The following NCAPD3 variants were observed in gnomAD, a reference collection of about 807,000 sequenced individuals.
NCAPD3 encodes the protein condensin-2 complex subunit D3.
In NCAPD3, 105 loss-of-function variants were observed where a neutral mutation model predicts 182.9. The observed-to-expected ratio is 0.57, with a 90% CI of 0.49 to 0.68. The LOEUF (loss-of-function observed/expected upper bound fraction) is 0.68. NCAPD3 is among the 30% of genes least tolerant of loss of function. The pLI is 0.00. For synonymous variants in NCAPD3, 815 were observed against 679.9 expected, an observed-to-expected ratio of 1.20 and a Z score of -3.09; for missense variants, 1,944 against 1,837.0, an observed-to-expected ratio of 1.06 and a Z score of -1.07.
chr11:134,169,663 G>A (rs1334472284), intron 24 of NCAPD3, among the ~76,000 whole-genome samples: 1 of 152,158 alleles, frequency 6.6e-6, no homozygotes. Flanking sequence ...ACATATCTGT[G>A]CAATGCTGCA....
In NCAPD3 at chr11:134,178,697, G is replaced by A. The variant is rs34739733; in HGVS notation, c.2719C>T (p.Pro907Ser). The A allele has an allele frequency of 1.9e-6, 3 of 1,601,614 alleles. No homozygotes were observed. Among genetic ancestry groups the A allele is most frequent in the Non-Finnish European group, 2.6e-6 (3 of 1,172,274 alleles). Residue 907 changes from proline (P) to serine (S), a missense_variant, in exon 22 of 35, where the codon CCC becomes TCC. Pro to Ser is a moderately conservative substitution (Grantham distance 74). Around this residue, in one of 3 missense-constraint regions of NCAPD3, gnomAD observed 1,803 missense variants for 1,674.6 expected, o/e 1.08. Transcript: ENST00000534548. ...GSSEAPASQP[P>S]PQVRGSVMPS... is the part of the protein sequence containing the mutation. ...ATGACAGAACCTCTGACCTGGGGGG[G>A]TGGCTGAGACGCTGGGGCCTCACTG...
intron 19 of NCAPD3, among the ~76,000 whole-genome samples, chr11:134,182,835 C>T (rs1403080704): frequency 2.0e-5 from 3 of 152,222 alleles, no homozygotes; most frequent in Admixed American, 6.5e-5. Context: ...AAAGGAGAAG[C>T]GTGTTTAGGG....
At position 134,151,171 on chromosome 11, in the gene NCAPD3, G is replaced by T. The variant is rs1565509667; in HGVS notation, c.*1773C>A. The T allele has an allele frequency of 6.6e-6, 1 of 152,198 alleles. No individual in the cohort carries two copies. Among genetic ancestry groups the T allele is most frequent in the African/African-American group, 2.4e-5 (1 of 41,436 alleles). The allele number at this position is 152,198 out of a possible 1,614,324, so 9.4% of individuals were successfully genotyped here. ...TGTCTTTCAGCTTCCAGTGTCTTGG[G>T]TTTTTTATACTTTGACAGCTTTTTT... On this transcript the variant is annotated 3_prime_UTR_variant, in exon 35 of 35. Transcript: ENST00000534548.
intron 27 of NCAPD3, among the ~76,000 whole-genome samples, chr11:134,165,275 ACT>A (rs1565523607): frequency 7.2e-6 from 1 of 139,780 alleles, no homozygotes; most frequent in Admixed American, 7.2e-5. Flanking sequence ...GGAGCTGCAC[ACT>A]CGCTTGTGAG....
chr11:134,219,685 C>G (rs538867749), intron 2 of NCAPD3, among the ~76,000 whole-genome samples: 29 of 152,180 alleles, frequency 1.9e-4, no homozygotes, highest in African/African-American at 6.5e-4. Context: ...AACTAACAAC[C>G]TAAATATTAA....
chr11:134,183,539 G>C (rs1944340438), intron 19 of NCAPD3, among the ~76,000 whole-genome samples: 1 of 152,198 alleles, frequency 6.6e-6, no homozygotes, highest in Non-Finnish European at 1.5e-5. Flanking sequence ...CTGTACTCTA[G>C]CCTGGGTGAC....
At chr11:134,182,753 G>A (rs935863768) in intron 19 of NCAPD3, among the ~76,000 whole-genome samples, 2 of 152,220 alleles carry the variant, frequency 1.3e-5, no homozygotes, top group East Asian at 3.8e-4. Context: ...CATATATACT[G>A]CTGCTGAGCT....
At chr11:134,220,815 A>G in intron 1 of NCAPD3, 89 bp from the exon 2 acceptor site, 4 of 1,262,950 alleles carry the variant, frequency 3.2e-6, no homozygotes, top group Non-Finnish European at 4.4e-6. Flanking sequence ...TCAAGAGGAG[A>G]AAAGTTTACT....
At chr11:134,161,458 C>G (rs1460170867) in intron 28 of NCAPD3, among the ~76,000 whole-genome samples, 1 of 152,162 alleles carries the variant, frequency 6.6e-6, no homozygotes, top group Non-Finnish European at 1.5e-5. Context: ...ACCTTACCCC[C>G]AAGCAGCATG....
intron 16 of NCAPD3, among the ~76,000 whole-genome samples, chr11:134,192,154 A>C (rs1278648631): frequency 6.6e-6 from 1 of 152,218 alleles, no homozygotes; most frequent in African/African-American, 2.4e-5. Context: ...CCAAGGCTGC[A>C]GAATGGTATT....
intron 28 of NCAPD3, among the ~76,000 whole-genome samples, chr11:134,160,698 C>T (rs376248844): frequency 1.2e-3 from 181 of 152,258 alleles, no homozygotes; most frequent in African/African-American, 4.3e-3. Context: ...AGAATCATTC[C>T]ACCTAACAGT....
At chr11:134,164,799 G>C (rs898114971) in intron 27 of NCAPD3, among the ~76,000 whole-genome samples, 1 of 148,058 alleles carries the variant, frequency 6.8e-6, no homozygotes, top group African/African-American at 2.5e-5. Flanking sequence ...AATGAACTTA[G>C]GGGAACTTCA....
chr11:134,198,157 C>T (rs546395081), intron 13 of NCAPD3, among the ~76,000 whole-genome samples: 1 of 152,264 alleles, frequency 6.6e-6, no homozygotes, highest in South Asian at 2.1e-4. Flanking sequence ...CCTCATTATA[C>T]CCTCCAGCAT....
intron 3 of NCAPD3, among the ~76,000 whole-genome samples, chr11:134,212,045 A>T (rs1446125431): frequency 1.3e-5 from 2 of 152,220 alleles, no homozygotes; most frequent in Non-Finnish European, 2.9e-5. Flanking sequence ...AACAAAGCAT[A>T]GATAATCCCA....
chr11:134,170,084 C>T (rs746710680), intron 24 of NCAPD3, among the ~76,000 whole-genome samples: 10 of 152,148 alleles, frequency 6.6e-5, no homozygotes, highest in Non-Finnish European at 1.0e-4. Flanking sequence ...TTTGTGTTCA[C>T]AGCACACATA....
Position 134,168,467 on chromosome 11 carries a change from A to T in NCAPD3, c.3373+2T>A. The T allele has an allele frequency of 6.2e-7, 1 of 1,614,150 alleles. No individual in the cohort carries two copies. Among genetic ancestry groups the T allele is most frequent in the Non-Finnish European group, 8.5e-7 (1 of 1,179,978 alleles). On this transcript the variant is annotated splice_donor_variant, in intron 26 of 34. Transcript: ENST00000534548. LOFTEE classifies it high-confidence loss of function. ...ATTTTCTCCCACACACACTGGGCTT[A>T]CCCAAAATACTAAGGCAGATTTTGG... is the stretch of plus-strand genomic sequence containing the variant.
At chr11:134,180,324 G>A (rs1048698452) in intron 20 of NCAPD3, among the ~76,000 whole-genome samples, 2 of 152,120 alleles carry the variant, frequency 1.3e-5, no homozygotes, top group Non-Finnish European at 2.9e-5. Flanking sequence ...ACACAGAAAA[G>A]ACGTGCTCCA....
intron 11 of NCAPD3, 119 bp downstream of exon 11, chr11:134,203,535 G>A (rs1324647507): frequency 7.6e-7 from 1 of 1,317,398 alleles, no homozygotes; most frequent in African/African-American, 1.5e-5. Flanking sequence ...ATGGTTTTGA[G>A]AGTAAAAATA....
chr11:134,163,083 G>T (rs899817949), intron 27 of NCAPD3, among the ~76,000 whole-genome samples: 3 of 152,126 alleles, frequency 2.0e-5, no homozygotes, highest in Non-Finnish European at 4.4e-5. Flanking sequence ...GGTTAGAGGT[G>T]AGGATGGAGG....
Sources: allele counts gnomAD v4.1 joint callset (sites outside exome capture counted in the v4.1 genomes callset), GRCh38; gene constraint gnomAD v4.1.1; regional missense constraint gnomAD v4.1.1; transcripts MANE v1.5; gene names NCBI Gene and HGNC (gene_info 2026-07-23, HGNC 2026-07-21).